DPYD: variants seen among roughly 807,000 people sequenced by gnomAD.
The protein encoded by DPYD is dihydropyrimidine dehydrogenase.
DPYD carries 109 observed loss-of-function variants against 116.2 expected under a neutral mutation model. The observed-to-expected ratio is 0.94, with a 90% CI of 0.80 to 1.10. The LOEUF is 1.10. DPYD is among the 50% of genes least tolerant of loss of function. The pLI is 0.00. For synonymous variants in DPYD, 440 were observed against 432.0 expected (o/e 1.02, Z -0.23); for missense variants, 1,302 against 1,254.5 (o/e 1.04, Z -0.57).
intron 16 of DPYD, among the ~76,000 whole-genome samples, chr1:97,343,468 A>G (rs935220538): frequency 1.3e-5 from 2 of 152,158 alleles, no homozygotes; most frequent in Non-Finnish European, 2.9e-5. Flanking sequence ...ATGAAAGTGT[A>G]GTATAAGAAA....
At chr1:97,248,765 CTT>C (rs768140857) in intron 18 of DPYD, among the ~76,000 whole-genome samples, 4 of 152,098 alleles carry the variant, frequency 2.6e-5, no homozygotes, top group East Asian at 1.9e-4. Context: ...TTAAAAAATT[CTT>C]TCTCTATATA....
intron 3 of DPYD, among the ~76,000 whole-genome samples, chr1:97,820,057 C>T (rs1247315757): frequency 1.3e-5 from 2 of 152,100 alleles, no homozygotes; most frequent in East Asian, 1.9e-4. Context: ...TCATGGTTTA[C>T]TAATCACAGC....
intron 8 of DPYD, among the ~76,000 whole-genome samples, chr1:97,608,188 C>T (rs1189195207): frequency 6.6e-6 from 1 of 151,858 alleles, no homozygotes; most frequent in African/African-American, 2.4e-5. Context: ...CGCACTGGAG[C>T]ACTTTCTCAA....
chr1:97,460,622 A>G (rs188668715), intron 13 of DPYD, among the ~76,000 whole-genome samples: 110 of 152,318 alleles, frequency 7.2e-4, no homozygotes, highest in Middle Eastern at 3.4e-3. Flanking sequence ...CCTGAAGTGC[A>G]GGGAGAGGCC....
At chr1:97,196,629 T>A (rs1354114887) in intron 19 of DPYD, among the ~76,000 whole-genome samples, 1 of 152,182 alleles carries the variant, frequency 6.6e-6, no homozygotes, top group Non-Finnish European at 1.5e-5. Flanking sequence ...AAATATATTA[T>A]CTTCTTTAGT....
At chr1:97,370,766 T>C (rs1243780411) in intron 16 of DPYD, among the ~76,000 whole-genome samples, 1 of 152,188 alleles carries the variant, frequency 6.6e-6, no homozygotes, top group African/African-American at 2.4e-5. Flanking sequence ...ATTTTAGAGA[T>C]GGACACTTAT....
chr1:97,279,297 A>G (rs1665153721), intron 18 of DPYD, among the ~76,000 whole-genome samples: 1 of 151,666 alleles, frequency 6.6e-6, no homozygotes, highest in South Asian at 2.1e-4. Flanking sequence ...GACTTAGTAG[A>G]AAAAAAAGAA....
At chr1:97,091,654 A>G (rs1421622421) in intron 21 of DPYD, among the ~76,000 whole-genome samples, 1 of 152,180 alleles carries the variant, frequency 6.6e-6, no homozygotes, top group Admixed American at 6.5e-5. Flanking sequence ...AAAAATGACA[A>G]TAACTGTGGC....
intron 16 of DPYD, among the ~76,000 whole-genome samples, chr1:97,311,201 A>G (rs1245725574): frequency 6.6e-6 from 1 of 151,844 alleles, no homozygotes; most frequent in Non-Finnish European, 1.5e-5. Context: ...TAAAATGTTA[A>G]TATATTTAAA....
At chr1:97,747,611 A>G (rs1273780902) in intron 3 of DPYD, among the ~76,000 whole-genome samples, 2 of 152,204 alleles carry the variant, frequency 1.3e-5, no homozygotes, top group Non-Finnish European at 2.9e-5. Flanking sequence ...ATTTAGCATA[A>G]GTCAGTCAGA....
intron 11 of DPYD, among the ~76,000 whole-genome samples, chr1:97,569,463 A>C (rs1198592871): frequency 2.0e-5 from 3 of 148,456 alleles, no homozygotes; most frequent in African/African-American, 7.3e-5. Context: ...ACATATATGT[A>C]TAATAAAATA....
At chr1:97,108,198 G>T (rs556511492) in intron 20 of DPYD, among the ~76,000 whole-genome samples, 1 of 152,066 alleles carries the variant, frequency 6.6e-6, no homozygotes, top group Non-Finnish European at 1.5e-5. Flanking sequence ...TGGCATATTG[G>T]AAACAGCACT....
At chr1:97,249,516 G>A (rs1480175005) in intron 18 of DPYD, among the ~76,000 whole-genome samples, 1 of 151,750 alleles carries the variant, frequency 6.6e-6, no homozygotes, top group Non-Finnish European at 1.5e-5. Context: ...AAAGTTCCTA[G>A]GGAGAAGAAA....
At chr1:97,347,738 T>C (rs748694180) in intron 16 of DPYD, among the ~76,000 whole-genome samples, 17 of 152,118 alleles carry the variant, frequency 1.1e-4, no homozygotes, top group Non-Finnish European at 2.2e-4. Context: ...TGTTCTGAAG[T>C]ATATATACAT....
chr1:97,702,099 T>C (rs1182769789), intron 5 of DPYD, among the ~76,000 whole-genome samples: 2 of 151,756 alleles, frequency 1.3e-5, no homozygotes, highest in African/African-American at 2.4e-5. Context: ...TGTTATCTTT[T>C]ATTCCTTTCT....
At chr1:97,635,924 A>G (rs1249366233) in intron 8 of DPYD, among the ~76,000 whole-genome samples, 2 of 152,042 alleles carry the variant, frequency 1.3e-5, no homozygotes, top group Admixed American at 1.3e-4. Flanking sequence ...GGCCCAAGCA[A>G]TCTTCCCACC....
At chr1:97,583,552 AAAT>A (rs201530911) in intron 10 of DPYD, among the ~76,000 whole-genome samples, 2,626 of 152,088 alleles carry the variant, frequency 0.017, 42 homozygotes, top group Non-Finnish European at 0.026. Flanking sequence ...AATTCTTTAC[AAAT>A]TAGGATCATC....
intron 20 of DPYD, among the ~76,000 whole-genome samples, chr1:97,177,215 A>G (rs1403744114): frequency 1.3e-5 from 2 of 152,210 alleles, no homozygotes; most frequent in Non-Finnish European, 2.9e-5. Flanking sequence ...AGCAAATACT[A>G]GGTACGAACG....
chr1:97,818,638 C>A (rs559510477), intron 3 of DPYD, among the ~76,000 whole-genome samples: 1 of 151,938 alleles, frequency 6.6e-6, no homozygotes, highest in Non-Finnish European at 1.5e-5. Flanking sequence ...TATATTTGGG[C>A]CATTTGAGCA....
Sources: gnomAD v4.1 joint callset for allele counts (sites outside exome capture counted in the v4.1 genomes callset) on GRCh38, gnomAD v4.1.1 for gene constraint, MANE v1.5 for transcripts, NCBI Gene and HGNC (gene_info 2026-07-23, HGNC 2026-07-21) for gene names.